The following PARD3B variants were observed in gnomAD, a reference collection of about 807,000 sequenced individuals.
The protein encoded by PARD3B is par-3 family cell polarity regulator beta, also known as partitioning defective 3 homolog B.
Under a neutral mutation model 130.2 loss-of-function variants are expected in PARD3B, and 103 were observed. That is an observed-to-expected ratio of 0.79 (90% confidence interval 0.67 to 0.93). PARD3B has a LOEUF of 0.93. Ranked by LOEUF, PARD3B falls within the 40% of genes least tolerant of loss-of-function variation. The pLI, the probability that PARD3B is intolerant of heterozygous loss-of-function variation, is 0.00. For synonymous variants in PARD3B, 583 were observed against 553.2 expected (o/e 1.05, Z -0.76); for missense variants, 1,609 against 1,499.2 (o/e 1.07, Z -1.21).
intron 20 of PARD3B, among the ~76,000 whole-genome samples, chr2:205,488,812 A>G (rs1477510010): frequency 6.6e-6 from 1 of 152,196 alleles, no homozygotes; most frequent in African/African-American, 2.4e-5. Flanking sequence ...CACTATCACT[A>G]CTTAAATTGC....
intron 2 of PARD3B, among the ~76,000 whole-genome samples, chr2:204,958,309 G>C (rs769179529): frequency 2.6e-5 from 4 of 152,088 alleles, no homozygotes; most frequent in African/African-American, 7.2e-5. Flanking sequence ...GTACTTCATG[G>C]CATTTATTGT....
rs1270964999 is a variant in PARD3B, at chr2:204,919,063, C to T, written c.223-46089C>T. Among the ~76,000 whole-genome samples the T allele has an allele frequency of 4.6e-5, 7 of 152,090 alleles. No individual in the cohort carries two copies. The East Asian group carries it at 1.3e-3, about 29-fold the overall frequency. ...GCAGTGAAGACCCATCTACTTAACA[C>T]CTAGATTTGGCAAATAACATTGAAC... On this transcript the variant is annotated intron_variant, in intron 2 of 22. Transcript: ENST00000406610.
rs1230326585 is a variant in PARD3B at position 205,460,570 on chromosome 2, T to C, written c.3044+19898T>C. On this transcript the variant is annotated intron_variant, in intron 20 of 22. Transcript: ENST00000406610. This position sits in a 1 kb window ranked among gnomAD's most constrained non-coding sequence, Gnocchi z 4.9. ...CTTGAGGTTATCATCTTTCTCCTAG[T>C]GGTCATTAACATAGAGTTTGAAGCT... 6.6e-6 allele frequency among the ~76,000 whole-genome samples: 1 copy of C among 152,176 alleles called. No homozygotes were observed. The highest frequency in any genetic ancestry group is 1.5e-5 in the Non-Finnish European group (1 of 68,034).
Position 205,121,978 on chromosome 2 carries a change from T to A in PARD3B, c.1165+29T>A. ...ATTATTAAATTATGCCTAATAGCAT[T>A]CTATTATTGTAACATGTAAAATTGG... On this transcript the variant is annotated intron_variant, in intron 8 of 22. Transcript: ENST00000406610. This position sits in a 1 kb window ranked among gnomAD's most constrained non-coding sequence, Gnocchi z 5.0. The A allele has an allele frequency of 6.5e-7, 1 of 1,529,734 alleles. No individual in the cohort carries two copies. The highest frequency in any genetic ancestry group is 8.9e-7 in the Non-Finnish European group (1 of 1,123,680). The allele number at this position is 1,529,734 out of a possible 1,614,324, so 94.8% of individuals were successfully genotyped here.
At chr2:204,987,105 C>T (rs1186456880) in intron 3 of PARD3B, among the ~76,000 whole-genome samples, 1 of 151,974 alleles carries the variant, frequency 6.6e-6, no homozygotes, top group African/African-American at 2.4e-5. Flanking sequence ...AACACAACTT[C>T]CAAAGGTGCC....
In PARD3B at chr2:204,628,092, T is replaced by C. The variant is rs200226761; in HGVS notation, c.121-58089T>C. On this transcript the variant is annotated intron_variant, in intron 1 of 22. Transcript: ENST00000406610. ...AGTGTTTTCCAGGGAAGCCAAAAGATTGGACACCCCTGATTTAGATCTTTG... is the reference window on the plus strand; with the variant it reads ...AGTGTTTTCCAGGGAAGCCAAAAGACTGGACACCCCTGATTTAGATCTTTG... 7.2e-5 allele frequency among the ~76,000 whole-genome samples: 11 copies of C among 152,076 alleles called. No homozygotes were observed. In the East Asian group the frequency reaches 1.9e-3, roughly 27 times the overall value.
At chr2:204,776,812 A>G (rs1219522995) in intron 2 of PARD3B, among the ~76,000 whole-genome samples, 1 of 151,888 alleles carries the variant, frequency 6.6e-6, no homozygotes, top group African/African-American at 2.4e-5. Context: ...ACCTAAGGGA[A>G]TAAATTCTAA....
chr2:204,701,118 T>G (rs1238930899), intron 2 of PARD3B, among the ~76,000 whole-genome samples: 1 of 152,172 alleles, frequency 6.6e-6, no homozygotes, highest in Non-Finnish European at 1.5e-5. Flanking sequence ...CATTTTTCTA[T>G]GTATTTATTC....
chr2:205,187,782 C>T lies in PARD3B; in HGVS notation c.2024+1919C>T, dbSNP rs1375216338. The stretch of plus-strand genomic sequence containing the variant: ...ACTAGTAACTTCCATCTTCTTTTCA[C>T]GTCTTCCTTCCTAGTCCCGTGTGTT... On this transcript the variant is annotated intron_variant, in intron 14 of 22. Coordinates refer to ENST00000406610, the MANE Select transcript of PARD3B (RefSeq NM_001302769.2). This position sits in a 1 kb window ranked among gnomAD's most constrained non-coding sequence, Gnocchi z 4.9. Among the ~76,000 whole-genome samples, 1 of 152,202 alleles carries T rather than the reference C, an allele frequency of 6.6e-6. No homozygotes were observed. The highest frequency in any genetic ancestry group is 6.5e-5 in the Admixed American group (1 of 15,286).
rs766851543 is a variant in PARD3B at position 204,907,559 on chromosome 2, G to A, written c.223-57593G>A. 1.3e-4 allele frequency among the ~76,000 whole-genome samples: 20 copies of A among 152,026 alleles called. No homozygotes were observed. The highest frequency in any genetic ancestry group is 2.8e-4 in the Non-Finnish European group (19 of 68,006). On this transcript the variant is annotated intron_variant, in intron 2 of 22. Coordinates refer to ENST00000406610, the MANE Select transcript of PARD3B (RefSeq NM_001302769.2). This position sits in a 1 kb window ranked among gnomAD's most constrained non-coding sequence, Gnocchi z 5.7. The stretch of plus-strand genomic sequence containing the variant: ...TGGGTGGTAATGCAAGGCACATTGG[G>A]GGCTCAGCCAAAGCCTTAGTTTCAT...
At chr2:205,514,188 T>C (rs1265007727) in intron 21 of PARD3B, among the ~76,000 whole-genome samples, 1 of 152,142 alleles carries the variant, frequency 6.6e-6, no homozygotes, top group Non-Finnish European at 1.5e-5. Context: ...TCACAACTTA[T>C]TAGATGATAA....
At chr2:205,492,822 TATTAA>T (rs2049771992) in intron 20 of PARD3B, among the ~76,000 whole-genome samples, 1 of 152,166 alleles carries the variant, frequency 6.6e-6, no homozygotes, top group African/African-American at 2.4e-5. Context: ...AATTATTTAT[TATTAA>T]ATTAGTATAT....
At chr2:205,035,835 A>AG (rs1697814530) in intron 3 of PARD3B, among the ~76,000 whole-genome samples, 1 of 130,462 alleles carries the variant, frequency 7.7e-6, no homozygotes, top group African/African-American at 2.8e-5. Flanking sequence ...ATATCTATAT[A>AG]TATATATATA....
At chr2:204,848,342 G>C (rs1283805015) in intron 2 of PARD3B, among the ~76,000 whole-genome samples, 1 of 152,152 alleles carries the variant, frequency 6.6e-6, no homozygotes, top group East Asian at 1.9e-4. Context: ...AAGTTAGTAA[G>C]TGTAGGGTTT....
chr2:205,444,606 A>G (rs560109455), intron 20 of PARD3B, among the ~76,000 whole-genome samples: 2 of 152,320 alleles, frequency 1.3e-5, no homozygotes, highest in South Asian at 2.1e-4. Flanking sequence ...TAATTGGGGA[A>G]TGAGCTGATG....
At chr2:204,918,794 TCC>T (rs201808054) in intron 2 of PARD3B, among the ~76,000 whole-genome samples, 1,627 of 152,250 alleles carry the variant, frequency 0.011, 34 homozygotes, top group African/African-American at 0.037. Context: ...TGGTTATTTG[TCC>T]CAGTCTGAGT....
In PARD3B at chr2:204,799,532, C is replaced by G. The variant is rs1344844134; in HGVS notation, c.222+113250C>G. ...TGGGCCGTGAGTGAACATTCACAGC[C>G]AGACAGTGGTCACTGTGGGTCTTTG... is the stretch of plus-strand genomic sequence containing the variant. On this transcript the variant is annotated intron_variant, in intron 2 of 22. Coordinates refer to ENST00000406610, the MANE Select transcript of PARD3B (RefSeq NM_001302769.2). This position sits in a 1 kb window ranked among gnomAD's most constrained non-coding sequence, Gnocchi z 4.1. Among the ~76,000 whole-genome samples the G allele has an allele frequency of 6.6e-6, 1 of 152,172 alleles. No homozygotes were observed. Among genetic ancestry groups the G allele is most frequent in the East Asian group, 1.9e-4 (1 of 5,174 alleles).
chr2:205,294,803 G>A (rs1025024007), intron 16 of PARD3B, among the ~76,000 whole-genome samples: 2 of 152,234 alleles, frequency 1.3e-5, no homozygotes, highest in Admixed American at 6.5e-5. Flanking sequence ...AAAGAACTGA[G>A]ACCCAAATGA....
intron 19 of PARD3B, among the ~76,000 whole-genome samples, chr2:205,409,601 A>G (rs920496372): frequency 6.6e-5 from 10 of 152,146 alleles, no homozygotes; most frequent in Non-Finnish European, 1.3e-4. Flanking sequence ...TCAATGTTAG[A>G]AGTGCTGTAT....
Sources: allele counts gnomAD v4.1 joint callset (sites outside exome capture counted in the v4.1 genomes callset), GRCh38; gene constraint gnomAD v4.1.1; non-coding constraint Gnocchi (gnomAD v3.1); transcripts MANE v1.5; gene names NCBI Gene and HGNC (gene_info 2026-07-23, HGNC 2026-07-21).